The following UHRF2 variants were observed in gnomAD, a reference collection of about 807,000 sequenced individuals.
The protein encoded by UHRF2 is E3 ubiquitin-protein ligase UHRF2.
In UHRF2, 23 loss-of-function variants were observed where a neutral mutation model predicts 96.8. The observed-to-expected ratio is 0.24, with a 90% CI of 0.17 to 0.34. UHRF2 has a LOEUF of 0.34. Among genes scored for constraint, UHRF2 ranks in the 10% least tolerant of loss-of-function variants. UHRF2 has a pLI of 1.00. For missense variants in UHRF2, 685 were observed against 981.5 expected (o/e 0.70, Z 4.04); for synonymous variants, 385 against 332.6 (o/e 1.16, Z -1.72).
chr9:6,455,142 GTTT>G (rs1822102770), intron 3 of UHRF2, among the ~76,000 whole-genome samples: 1 of 151,930 alleles, frequency 6.6e-6, no homozygotes, highest in Non-Finnish European at 1.5e-5. Context: ...TTGTTTGTTT[GTTT>G]GTTTGTTTAT....
At chr9:6,474,182 G>A (rs1823421584) in intron 4 of UHRF2, among the ~76,000 whole-genome samples, 1 of 152,202 alleles carries the variant, frequency 6.6e-6, no homozygotes, top group Non-Finnish European at 1.5e-5. Context: ...CACAACGGAT[G>A]TGCATGTTGA....
chr9:6,453,643 GT>G (rs760946866), intron 3 of UHRF2, among the ~76,000 whole-genome samples: 24 of 152,198 alleles, frequency 1.6e-4, no homozygotes, highest in Non-Finnish European at 3.1e-4. Context: ...TTAAATTTAG[GT>G]TTGACCATTA....
In UHRF2 at chr9:6,473,926, G is replaced by A. The variant is rs145069988; in HGVS notation, c.864-1465G>A. On this transcript the variant is annotated intron_variant, in intron 4 of 15. Transcript: ENST00000276893. The stretch of plus-strand genomic sequence containing the variant: ...AATGCAAATATCAAAAATCAACACT[G>A]TGAGAAACACTATAGGACAAATGGT... Among the ~76,000 whole-genome samples, 506 of 152,304 alleles carry A rather than the reference G, an allele frequency of 3.3e-3. 1 individual carries two copies. The highest frequency in any genetic ancestry group is 0.012 in the African/African-American group (495 of 41,570).
chr9:6,503,803 ATT>A (rs575807177), intron 14 of UHRF2, among the ~76,000 whole-genome samples: 1 of 152,002 alleles, frequency 6.6e-6, no homozygotes, highest in Non-Finnish European at 1.5e-5. Flanking sequence ...GTTGCCCATG[ATT>A]TTTTTATTTT....
Position 6,413,390 on chromosome 9 carries a change from T to C in UHRF2, c.-101T>C, listed in dbSNP as rs987551814. The C allele has an allele frequency of 1.3e-4, 159 of 1,186,178 alleles. No individual in the cohort carries two copies. The highest frequency in any genetic ancestry group is 4.8e-5 in the African/African-American group (3 of 62,484). 73.5% of individuals were successfully genotyped at this position (1,186,178 alleles called of 1,614,324 possible). On this transcript the variant is annotated 5_prime_UTR_variant, in exon 1 of 16. Coordinates refer to ENST00000276893, the MANE Select transcript of UHRF2 (RefSeq NM_152896.3). ...GTGGGCGCGCTCGCCCGCCTGCCGC[T>C]GAGGGCCCGAGCCGCAGGGAAAGCG...
At chr9:6,461,156 C>G (rs1373304021) in intron 4 of UHRF2, among the ~76,000 whole-genome samples, 1 of 152,150 alleles carries the variant, frequency 6.6e-6, no homozygotes, top group Non-Finnish European at 1.5e-5. Flanking sequence ...TGGATGACTA[C>G]TTAACCAGCT....
At chr9:6,483,503 A>C (rs1256517594) in intron 8 of UHRF2, among the ~76,000 whole-genome samples, 1 of 152,158 alleles carries the variant, frequency 6.6e-6, no homozygotes, top group African/African-American at 2.4e-5. Flanking sequence ...GACAAGAAAA[A>C]GTCTGGACAG....
In UHRF2 at chr9:6,457,630, A is replaced by G. The variant is rs1822261116; in HGVS notation, c.645-2943A>G. On this transcript the variant is annotated intron_variant, in intron 3 of 15. Coordinates refer to ENST00000276893, the MANE Select transcript of UHRF2 (RefSeq NM_152896.3). ...CCAGTTTTTGCCCATTCAGTATGAT[A>G]TTGGCTATGGGTTTGTCATAAATAG... Among the ~76,000 whole-genome samples the G allele has an allele frequency of 2.0e-5, 3 of 152,172 alleles. No homozygotes were observed. In the South Asian group the frequency reaches 6.2e-4, roughly 32 times the overall value.
intron 3 of UHRF2, among the ~76,000 whole-genome samples, chr9:6,436,917 T>C (rs539265186): frequency 1.3e-5 from 2 of 152,316 alleles, no homozygotes; most frequent in African/African-American, 2.4e-5. Context: ...AGCTGAACTT[T>C]CTTTGAAAAA....
chr9:6,479,979 G>A (rs1421164796), intron 6 of UHRF2, among the ~76,000 whole-genome samples: 2 of 152,056 alleles, frequency 1.3e-5, no homozygotes, highest in East Asian at 3.9e-4. Flanking sequence ...GCCTGAATTA[G>A]ATCATTCATC....
At chr9:6,503,045 A>G (rs1207610051) in intron 14 of UHRF2, among the ~76,000 whole-genome samples, 1 of 152,148 alleles carries the variant, frequency 6.6e-6, no homozygotes. Flanking sequence ...CCCAGGCTGA[A>G]GTACAGTAGC....
intron 7 of UHRF2, 30 bp downstream of exon 7, chr9:6,481,796 A>G (rs759839765): frequency 6.3e-7 from 1 of 1,598,512 alleles, no homozygotes; most frequent in South Asian, 1.1e-5. Flanking sequence ...TTTCTTCCTA[A>G]TAGCAAGTTA....
intron 3 of UHRF2, among the ~76,000 whole-genome samples, chr9:6,454,465 A>G (rs1378458986): frequency 6.6e-6 from 1 of 152,208 alleles, no homozygotes; most frequent in Non-Finnish European, 1.5e-5. Flanking sequence ...ATGAGTTCCA[A>G]AAGCTTATCT....
chr9:6,421,017 A>G lies in UHRF2; in HGVS notation c.259A>G (p.Ile87Val). The G allele has an allele frequency of 6.2e-7, 1 of 1,614,154 alleles. No homozygotes were observed. The highest frequency in any genetic ancestry group is 8.5e-7 in the Non-Finnish European group (1 of 1,180,020). The part of the protein sequence containing the change: ...PDHLPGTSTQ[I>V]EAKPCSNSPP... ...TCATCTTCCTGGCACATCTACACAG[A>G]TTGAGGCTAAACCCTGTTCTAATAG... Residue 87 changes from isoleucine to valine, a missense_variant, in exon 2 of 16, where the codon ATT becomes GTT. By Grantham distance (29) the Ile-to-Val change is conservative. Around this residue, in one of 6 missense-constraint regions of UHRF2, gnomAD observed 391 missense variants for 437.0 expected, o/e 0.89. Coordinates refer to ENST00000276893, the MANE Select transcript of UHRF2 (RefSeq NM_152896.3).
At chr9:6,492,427 C>A in intron 9 of UHRF2, 2 of 897,340 alleles carry the variant, frequency 2.2e-6, no homozygotes, top group Non-Finnish European at 2.7e-6. Context: ...AATTCCTTCT[C>A]ATAGAATACA....
chr9:6,497,621 C>G (rs1251790966), intron 11 of UHRF2, among the ~76,000 whole-genome samples: 1 of 151,870 alleles, frequency 6.6e-6, no homozygotes, highest in Non-Finnish European at 1.5e-5. Flanking sequence ...ATAATAAAGC[C>G]ATTTAAGTAA....
chr9:6,422,680 G>C (rs1413767673), intron 2 of UHRF2: 1 of 629,948 alleles, frequency 1.6e-6, no homozygotes, highest in Non-Finnish European at 3.0e-6. Context: ...CGTGAACACG[G>C]CTCGCTGTAG....
chr9:6,421,180 C>A (rs1415054761), intron 2 of UHRF2, 38 bp downstream of exon 2: 2 of 1,424,932 alleles, frequency 1.4e-6, no homozygotes, highest in Admixed American at 2.1e-5. Flanking sequence ...TGTGAGAATA[C>A]AAATAAATTT....
At position 6,475,032 on chromosome 9, in the gene UHRF2, C is replaced by T. The variant is rs1226176173; in HGVS notation, c.864-359C>T. On this transcript the variant is annotated intron_variant, in intron 4 of 15. Coordinates refer to ENST00000276893, the MANE Select transcript of UHRF2 (RefSeq NM_152896.3). ...AGGACAAAACAAACAGAAAACATACCTTATTTCTTGATAGAAAGGTTTAAT... is the reference window on the plus strand; with the variant it reads ...AGGACAAAACAAACAGAAAACATACTTTATTTCTTGATAGAAAGGTTTAAT... Among the ~76,000 whole-genome samples the T allele has an allele frequency of 2.6e-5, 4 of 152,050 alleles. No individual in the cohort carries two copies. The East Asian group carries it at 7.7e-4, about 29-fold the overall frequency.
Sources: allele counts gnomAD v4.1 joint callset (sites outside exome capture counted in the v4.1 genomes callset), GRCh38; gene constraint gnomAD v4.1.1; regional missense constraint gnomAD v4.1.1; transcripts MANE v1.5; gene names NCBI Gene and HGNC (gene_info 2026-07-23, HGNC 2026-07-21).